Variants in CEP120 observed in about 807,000 individuals in gnomAD.
CEP120 encodes centrosomal protein of 120 kDa.
A neutral mutation model predicts 126.5 loss-of-function variants in CEP120; 113 were observed. That is an observed-to-expected ratio of 0.89 (90% CI 0.77 to 1.04). The LOEUF is 1.04. CEP120 is among the 50% of genes least tolerant of loss of function. The pLI is 0.00. For synonymous variants in CEP120, 400 were observed against 394.3 expected (o/e 1.01, Z -0.17); for missense variants, 1,230 against 1,155.7 (o/e 1.06, Z -0.93).
chr5:123,358,251 C>A (rs889860212), intron 18 of CEP120: 1 of 152,162 alleles, frequency 6.6e-6, no homozygotes, highest in South Asian at 2.1e-4. Context: ...ATAGTGGTTA[C>A]CTCTGGAAAG....
rs2127060488 is a variant in CEP120, at chr5:123,386,674, TTTA to T, written c.1431-10_1431-8del. 6.3e-6 allele frequency: 3 copies of T among 478,766 alleles called. No homozygotes were observed. Among genetic ancestry groups the T allele is most frequent in the South Asian group, 8.4e-5 (1 of 11,962 alleles). 29.7% of individuals were successfully genotyped at this position (478,766 alleles called of 1,614,324 possible). On this transcript the variant is annotated splice_polypyrimidine_tract_variant and splice_region_variant and intron_variant, in intron 9 of 19. Transcript: ENST00000306467. ...AAAGAATGGATATGAGTACCTAGAA[TTTA>T]AAAAAAAAAAAAAAAAAAAAAGCCT...
chr5:123,416,329 G>A (rs1228568845), intron 2 of CEP120, among the ~76,000 whole-genome samples: 3 of 152,032 alleles, frequency 2.0e-5, no homozygotes, highest in Non-Finnish European at 4.4e-5. Context: ...TTGGGAGTTC[G>A]AGGAGGGCAG....
At position 123,369,435 on chromosome 5, in the gene CEP120, A is replaced by G. The variant is rs921111099; in HGVS notation, c.2481+3215T>C. Among the ~76,000 whole-genome samples, 3 of 152,038 alleles carry G rather than the reference A, an allele frequency of 2.0e-5. No homozygotes were observed. In the East Asian group the frequency reaches 5.8e-4, roughly 29 times the overall value. ...GCTCATATTCATACTGTTAACTACT[A>G]TTATACTATAACTCTATTAGAATAA... On this transcript the variant is annotated intron_variant, in intron 17 of 19. Coordinates refer to ENST00000306467, the MANE Select transcript of CEP120 (RefSeq NM_001375405.1).
At chr5:123,404,198 A>C (rs1404977429) in intron 4 of CEP120, among the ~76,000 whole-genome samples, 1 of 152,258 alleles carries the variant, frequency 6.6e-6, no homozygotes, top group Non-Finnish European at 1.5e-5. Context: ...GACTGAGATT[A>C]TTTCACAACG....
At chr5:123,347,380 ATAGTG>A (rs1768900327) in intron 19 of CEP120, among the ~76,000 whole-genome samples, 1 of 152,122 alleles carries the variant, frequency 6.6e-6, no homozygotes, top group Non-Finnish European at 1.5e-5. Flanking sequence ...CGTTTTGGGG[ATAGTG>A]CAGTGAACCA....
chr5:123,407,597 G>A (rs184773749), intron 4 of CEP120, among the ~76,000 whole-genome samples: 2 of 152,254 alleles, frequency 1.3e-5, no homozygotes, highest in Non-Finnish European at 2.9e-5. Context: ...AAAACTAACA[G>A]AGCTGCAAGG....
intron 16 of CEP120, among the ~76,000 whole-genome samples, chr5:123,376,811 T>C (rs1230165952): frequency 6.6e-6 from 1 of 151,992 alleles, no homozygotes; most frequent in Non-Finnish European, 1.5e-5. Flanking sequence ...GGGCATGAAA[T>C]CACGAATAAG....
intron 3 of CEP120, among the ~76,000 whole-genome samples, chr5:123,414,417 T>C (rs916294690): frequency 6.6e-6 from 1 of 152,210 alleles, no homozygotes; most frequent in Admixed American, 6.5e-5. Flanking sequence ...ATTCCAACCT[T>C]GGGCTAGGCT....
At chr5:123,356,288 T>A (rs1186985668) in intron 18 of CEP120, among the ~76,000 whole-genome samples, 1 of 152,094 alleles carries the variant, frequency 6.6e-6, no homozygotes, top group Non-Finnish European at 1.5e-5. Flanking sequence ...CCATATGAAC[T>A]TTAAAGTAGT....
intron 1 of CEP120, among the ~76,000 whole-genome samples, 190 bp downstream of exon 1, chr5:123,422,760 G>C (rs1381428913): frequency 2.0e-5 from 3 of 152,164 alleles, no homozygotes; most frequent in Non-Finnish European, 4.4e-5. Flanking sequence ...CCCTAATAGC[G>C]CTCATATCCC....
intron 16 of CEP120, among the ~76,000 whole-genome samples, chr5:123,375,026 T>G (rs1055568750): frequency 2.0e-5 from 3 of 152,128 alleles, no homozygotes; most frequent in Non-Finnish European, 4.4e-5. Context: ...TAACTGTCCC[T>G]TCTACCAGTC....
At position 123,414,971 on chromosome 5, in the gene CEP120, C is replaced by CAAAAAA. The variant is rs56756568; in HGVS notation, c.321+1033_321+1038dup. The stretch of plus-strand genomic sequence containing the variant: ...TGGGCAACAGAGCAAGACTCCATCT[C>CAAAAAA]AAAAAAAAAAAAAAAAAAAAAAAAA... On this transcript the variant is annotated intron_variant, in intron 3 of 19. Transcript: ENST00000306467. Among the ~76,000 whole-genome samples, 33 of 40,662 alleles carry CAAAAAA rather than the reference C, an allele frequency of 8.1e-4. 5 individuals carry two copies. Among genetic ancestry groups the CAAAAAA allele is most frequent in the African/African-American group, 2.1e-3 (18 of 8,648 alleles). The allele number at this position is 40,662 out of a possible 152,430, so 26.7% of individuals were successfully genotyped here.
chr5:123,390,079 A>T lies in CEP120; in HGVS notation c.1100T>A (p.Leu367Ter). The change falls in exon 8 of 20, where the codon TTA becomes TAA. Residue 367 changes from leucine (L) to a stop codon, truncating the protein, a stop_gained. Coordinates refer to ENST00000306467, the MANE Select transcript of CEP120 (RefSeq NM_001375405.1). LOFTEE classifies it high-confidence loss of function. ...AAGTGTCTTCTCCTTTATGGGGGTT[A>T]AAACTTTCTTCTTTGAATGCTCTGG... Reference protein sequence around the residue: ...HEPEHSKKKVLTPIKEKTLTG... With the variant: ...HEPEHSKKKV 1 of 1,614,130 alleles carries T rather than the reference A, an allele frequency of 6.2e-7. No homozygotes were observed. The highest frequency in any genetic ancestry group is 8.5e-7 in the Non-Finnish European group (1 of 1,179,984).
At chr5:123,386,808 C>T (rs1009707171) in intron 9 of CEP120, 141 bp from the exon 10 acceptor site, 17 of 604,042 alleles carry the variant, frequency 2.8e-5, no homozygotes, top group Non-Finnish European at 7.5e-6. Context: ...GTAGACATAG[C>T]AATCTGTCAT....
chr5:123,410,697 A>G (rs1774001746), intron 4 of CEP120, among the ~76,000 whole-genome samples: 1 of 152,244 alleles, frequency 6.6e-6, no homozygotes, highest in Admixed American at 6.5e-5. Context: ...AATGGATTAC[A>G]GACCTAAATG....
chr5:123,386,805 T>A, intron 9 of CEP120, 138 bp from the exon 10 acceptor site: 1 of 609,580 alleles, frequency 1.6e-6, no homozygotes, highest in Non-Finnish European at 2.5e-6. Flanking sequence ...ATGGTAGACA[T>A]AGCAATCTGT....
At chr5:123,381,585 AT>A (rs1771651919) in intron 14 of CEP120, among the ~76,000 whole-genome samples, 3 of 152,158 alleles carry the variant, frequency 2.0e-5, no homozygotes, top group Non-Finnish European at 4.4e-5. Flanking sequence ...TCATGTTATC[AT>A]TTTTAAAAAT....
At chr5:123,414,575 T>A (rs1057261649) in intron 3 of CEP120, among the ~76,000 whole-genome samples, 1 of 152,158 alleles carries the variant, frequency 6.6e-6, no homozygotes. Flanking sequence ...TTTAACTTTT[T>A]TCCCCCCTTA....
At chr5:123,378,507 A>G in intron 14 of CEP120, 79 bp from the exon 15 acceptor site, 1 of 721,064 alleles carries the variant, frequency 1.4e-6, no homozygotes, top group Non-Finnish European at 2.1e-6. Flanking sequence ...TCAAAAATAC[A>G]CATCATTTCA....
Sources: allele counts gnomAD v4.1 joint callset (sites outside exome capture counted in the v4.1 genomes callset), GRCh38; gene constraint gnomAD v4.1.1; transcripts MANE v1.5; gene names NCBI Gene and HGNC (gene_info 2026-07-23, HGNC 2026-07-21).